Variants in SLIT2 observed in about 807,000 individuals in gnomAD.
SLIT2 encodes slit homolog 2 protein.
A neutral mutation model predicts 185.7 loss-of-function variants in SLIT2; 41 were observed. That is an observed-to-expected ratio of 0.22 (90% CI 0.17 to 0.29). The LOEUF (loss-of-function observed/expected upper bound fraction) is 0.29, where lower values mean the gene tolerates loss of function less well. Ranked by LOEUF, SLIT2 falls within the 10% of genes least tolerant of loss-of-function variation. SLIT2 has a pLI of 1.00. For synonymous variants in SLIT2, 693 were observed against 680.2 expected (o/e 1.02, Z -0.29); for missense variants, 1,571 against 1,909.0 (o/e 0.82, Z 3.30).
intron 4 of SLIT2, among the ~76,000 whole-genome samples, chr4:20,395,645 G>C (rs1725831957): frequency 6.6e-6 from 1 of 151,884 alleles, no homozygotes; most frequent in Non-Finnish European, 1.5e-5. Flanking sequence ...TGGGCAAAAT[G>C]CAAATAAAAT....
chr4:20,606,434 A>G (rs1436772664), intron 33 of SLIT2, among the ~76,000 whole-genome samples: 4 of 151,700 alleles, frequency 2.6e-5, no homozygotes, highest in African/African-American at 9.7e-5. Flanking sequence ...GTGAGCCGTA[A>G]TTATGTCACC....
intron 4 of SLIT2, among the ~76,000 whole-genome samples, chr4:20,408,410 G>A (rs1161462224): frequency 1.3e-5 from 2 of 152,008 alleles, no homozygotes; most frequent in African/African-American, 4.8e-5. Flanking sequence ...TGAACCCTAG[G>A]ATTTTGCACA....
Position 20,542,812 on chromosome 4 carries a change from C to CTGTGTG in SLIT2, c.2276+231_2276+236dup, listed in dbSNP as rs753747459. 4.0e-3 allele frequency among the ~76,000 whole-genome samples: 444 copies of CTGTGTG among 111,036 alleles called. 1 individual carries two copies. The highest frequency in any genetic ancestry group is 0.014 in the Middle Eastern group (3 of 212). 72.8% of individuals were successfully genotyped at this position (111,036 alleles called of 152,430 possible). A position where few individuals can be genotyped will look rare whatever the true frequency, so the allele number is the denominator to read the frequency against. ...CTACTTTAGAGGCCCTTGGGAATTG[C>CTGTGTG]TGTGTGTGTGTGTGTGTGTGTGTGT... On this transcript the variant is annotated intron_variant, in intron 21 of 36. Coordinates refer to ENST00000504154, the MANE Select transcript of SLIT2 (RefSeq NM_004787.4).
At position 20,472,491 on chromosome 4, in the gene SLIT2, TAGATATATATCTATATATAG is replaced by T. The variant is rs1715469420; in HGVS notation, c.467+4670_467+4689del. On this transcript the variant is annotated intron_variant, in intron 5 of 36. Coordinates refer to ENST00000504154, the MANE Select transcript of SLIT2 (RefSeq NM_004787.4). Reference sequence around the variant, plus strand: ...CTATATATAGATATATATCTATATATAGATATATATCTATATATAGATAGATATATATCTATATATAGATA... The same window carrying T: ...CTATATATAGATATATATCTATATATATAGATATATATCTATATATAGATA... Among the ~76,000 whole-genome samples the T allele has an allele frequency of 1.2e-4, 3 of 24,486 alleles. 1 individual carries two copies. Among genetic ancestry groups the T allele is most frequent in the African/African-American group, 7.1e-4 (3 of 4,220 alleles). 16.1% of individuals were successfully genotyped at this position (24,486 alleles called of 152,430 possible). A position where few individuals can be genotyped will look rare whatever the true frequency, so the allele number is the denominator to read the frequency against.
intron 11 of SLIT2, among the ~76,000 whole-genome samples, chr4:20,515,909 A>G (rs1720165391): frequency 1.3e-5 from 2 of 152,104 alleles, no homozygotes; most frequent in African/African-American, 4.8e-5. Context: ...TCCGCCTCCC[A>G]GATGCAACTG....
At chr4:20,510,996 C>T (rs2148825537) in intron 10 of SLIT2, 70 bp from the exon 11 acceptor site, 1 of 955,310 alleles carries the variant, frequency 1.0e-6, no homozygotes. Flanking sequence ...AAAAGCCATA[C>T]ATAGCTTTTT....
intron 8 of SLIT2, among the ~76,000 whole-genome samples, chr4:20,491,255 AT>A (rs1401128912): frequency 4.6e-5 from 7 of 152,144 alleles, no homozygotes; most frequent in Non-Finnish European, 4.4e-5. Flanking sequence ...GGCTTATCTA[AT>A]TTTTCCCCAC....
intron 9 of SLIT2, among the ~76,000 whole-genome samples, chr4:20,507,160 T>G (rs563619637): frequency 6.6e-6 from 1 of 152,134 alleles, no homozygotes; most frequent in South Asian, 2.1e-4. Context: ...TAATGCCATT[T>G]TATCATGACT....
intron 4 of SLIT2, among the ~76,000 whole-genome samples, chr4:20,304,415 T>C (rs977289157): frequency 6.6e-6 from 1 of 152,110 alleles, no homozygotes; most frequent in African/African-American, 2.4e-5. Flanking sequence ...GGAGTTGTAA[T>C]AGACTATTAC....
chr4:20,488,789 T>A, intron 7 of SLIT2, 30 bp from the exon 8 acceptor site: 1 of 1,536,970 alleles, frequency 6.5e-7, no homozygotes, highest in Non-Finnish European at 8.8e-7. Flanking sequence ...TTCTGTTTTC[T>A]TGCTTTACAC....
At chr4:20,272,205 G>T (rs868148204) in intron 4 of SLIT2, among the ~76,000 whole-genome samples, 1 of 151,442 alleles carries the variant, frequency 6.6e-6, no homozygotes, top group African/African-American at 2.4e-5. Context: ...AAAATTACAA[G>T]CACTTGTTGA....
Position 20,472,391 on chromosome 4 carries a change from T to G in SLIT2, c.467+4568T>G, listed in dbSNP as rs1395489530. ...ATATCTATATCTATATATATGTAGA[T>G]ATATAGATATAGATATCTATATATC... On this transcript the variant is annotated intron_variant, in intron 5 of 36. Transcript: ENST00000504154. Among the ~76,000 whole-genome samples the G allele has an allele frequency of 1.6e-3, 130 of 82,512 alleles. 1 individual carries two copies. Among genetic ancestry groups the G allele is most frequent in the Middle Eastern group, 0.014 (1 of 70 alleles). The allele number at this position is 82,512 out of a possible 152,430, so 54.1% of individuals were successfully genotyped here.
chr4:20,530,658 G>A (rs1577867165), intron 16 of SLIT2, among the ~76,000 whole-genome samples: 1 of 152,234 alleles, frequency 6.6e-6, no homozygotes, highest in South Asian at 2.1e-4. Flanking sequence ...TTCAGCAAAT[G>A]TGTGTAATGT....
At chr4:20,373,956 C>G (rs1442262096) in intron 4 of SLIT2, among the ~76,000 whole-genome samples, 2 of 152,030 alleles carry the variant, frequency 1.3e-5, no homozygotes, top group African/African-American at 4.8e-5. Flanking sequence ...GTAGCAGAAC[C>G]TGGTGATATT....
chr4:20,381,780 C>T (rs945832867), intron 4 of SLIT2, among the ~76,000 whole-genome samples: 4 of 151,932 alleles, frequency 2.6e-5, no homozygotes, highest in Admixed American at 6.6e-5. Context: ...CAAGTCTACA[C>T]AGATTTTTTT....
At chr4:20,439,617 C>T (rs1729595410) in intron 4 of SLIT2, among the ~76,000 whole-genome samples, 4 of 152,130 alleles carry the variant, frequency 2.6e-5, no homozygotes, top group Admixed American at 2.6e-4. Flanking sequence ...TGCAAAGACC[C>T]ATTTAAATAA....
intron 4 of SLIT2, among the ~76,000 whole-genome samples, chr4:20,322,981 G>A (rs1156667701): frequency 2.0e-5 from 3 of 152,112 alleles, no homozygotes; most frequent in Non-Finnish European, 4.4e-5. Flanking sequence ...AGTTTGCAAA[G>A]TACTTTCATA....
chr4:20,541,176 C>G (rs1339792657), intron 19 of SLIT2, among the ~76,000 whole-genome samples: 1 of 152,100 alleles, frequency 6.6e-6, no homozygotes, highest in Non-Finnish European at 1.5e-5. Flanking sequence ...GTATAAACCC[C>G]AAATTCTACC....
chr4:20,593,958 ATGTG>A (rs1300995393), intron 30 of SLIT2, among the ~76,000 whole-genome samples: 5 of 150,190 alleles, frequency 3.3e-5, no homozygotes, highest in Middle Eastern at 3.4e-3. Context: ...CACAATACAT[ATGTG>A]TGTATGTATA....
Sources: allele counts gnomAD v4.1 joint callset (sites outside exome capture counted in the v4.1 genomes callset), GRCh38; gene constraint gnomAD v4.1.1; transcripts MANE v1.5; gene names NCBI Gene and HGNC (gene_info 2026-07-23, HGNC 2026-07-21).